The following OPA3 variants were observed in gnomAD, a reference collection of about 807,000 sequenced individuals.
OPA3 encodes the protein optic atrophy 3 protein.
A neutral mutation model predicts 4.0 loss-of-function variants in OPA3; 6 were observed. The observed-to-expected ratio is 1.51, with a 90% CI of 0.83 to 2.99. OPA3 has a LOEUF of 2.99. Among genes scored for constraint, OPA3 ranks in the 30% most tolerant of loss-of-function variants. The pLI, the probability that OPA3 is intolerant of heterozygous loss-of-function variation, is 0.00. For synonymous variants in OPA3, 105 were observed against 117.1 expected, an observed-to-expected ratio of 0.90 and a Z score of 0.67; for missense variants, 235 against 256.2, an observed-to-expected ratio of 0.92 and a Z score of 0.56.
intron 1 of OPA3, among the ~76,000 whole-genome samples, chr19:45,574,756 C>G (rs868131306): frequency 1.5e-4 from 23 of 152,252 alleles, no homozygotes; most frequent in African/African-American, 5.3e-4. Context: ...CTGCTTTGAC[C>G]AATAGTGTGG....
At chr19:45,556,639 A>G (rs1457119252) in intron 1 of OPA3, among the ~76,000 whole-genome samples, 6 of 152,248 alleles carry the variant, frequency 3.9e-5, no homozygotes, top group African/African-American at 1.4e-4. Context: ...ACGACAGGAG[A>G]CAGCCACTGA....
Position 45,553,998 on chromosome 19 carries a change from C to A in OPA3, c.143-87G>T, listed in dbSNP as rs562767155. 5.2e-5 allele frequency: 58 copies of A among 1,110,942 alleles called. No homozygotes were observed. In the African/African-American group the frequency reaches 8.5e-4, roughly 16 times the overall value. The allele number at this position is 1,110,942 out of a possible 1,614,324, so 68.8% of individuals were successfully genotyped here. On this transcript the variant is annotated intron_variant, in intron 1 of 1. Coordinates refer to ENST00000263275, the MANE Select transcript of OPA3 (RefSeq NM_025136.4). ...CACCCAGGGAATGCAGTCACCTAGC[C>A]TGGGTAACCCAGGGGTCTTTTAAAA...
chr19:45,559,964 T>TG (rs1199313387), intron 1 of OPA3, among the ~76,000 whole-genome samples: 1 of 152,090 alleles, frequency 6.6e-6, no homozygotes, highest in African/African-American at 2.4e-5. Context: ...TTATCAAAAC[T>TG]GGGGGTCAAA....
intron 1 of OPA3, among the ~76,000 whole-genome samples, chr19:45,583,003 T>C (rs1969878548): frequency 6.6e-6 from 1 of 152,202 alleles, no homozygotes; most frequent in African/African-American, 2.4e-5. Context: ...CAAGGATAGC[T>C]TGGAGGTTAG....
chr19:45,549,186 T>C lies in OPA3; in HGVS notation c.*4328A>G. The C allele has an allele frequency of 1.0e-6, 1 of 985,310 alleles. No homozygotes were observed. Among genetic ancestry groups the C allele is most frequent in the South Asian group, 4.7e-5 (1 of 21,284 alleles). 61.0% of individuals were successfully genotyped at this position (985,310 alleles called of 1,614,324 possible). On this transcript the variant is annotated 3_prime_UTR_variant, in exon 2 of 2. Coordinates refer to ENST00000263275, the MANE Select transcript of OPA3 (RefSeq NM_025136.4). Reference sequence around the variant, plus strand: ...ATTTACAAATTTATTCTAACCCCTCTCCCCAAATTACAAGGTACACAGAAT... The same window carrying C: ...ATTTACAAATTTATTCTAACCCCTCCCCCCAAATTACAAGGTACACAGAAT...
rs1969340338 is a variant in OPA3, at chr19:45,552,049, C to CACGG, written c.*1461_*1464dup. On this transcript the variant is annotated 3_prime_UTR_variant, in exon 2 of 2. Coordinates refer to ENST00000263275, the MANE Select transcript of OPA3 (RefSeq NM_025136.4). ...CCCTAGTTAGGATCAAATTTCCCAC[C>CACGG]ACGGAAAGGGGGGTTGGAGGACATT... The CACGG allele has an allele frequency of 1.0e-6, 1 of 985,328 alleles. No individual in the cohort carries two copies. Among genetic ancestry groups the CACGG allele is most frequent in the Non-Finnish European group, 1.2e-6 (1 of 830,038 alleles). The allele number at this position is 985,328 out of a possible 1,614,324, so 61.0% of individuals were successfully genotyped here.
chr19:45,551,667 C>A lies in OPA3; in HGVS notation c.*1847G>T. 1 of 967,644 alleles carries A rather than the reference C, an allele frequency of 1.0e-6. No homozygotes were observed. Among genetic ancestry groups the A allele is most frequent in the Non-Finnish European group, 1.2e-6 (1 of 813,782 alleles). 59.9% of individuals were successfully genotyped at this position (967,644 alleles called of 1,614,324 possible). A position where few individuals can be genotyped will look rare whatever the true frequency, so the allele number is the denominator to read the frequency against. On this transcript the variant is annotated 3_prime_UTR_variant, in exon 2 of 2. Transcript: ENST00000263275. ...ATCAAGTTCACCACCCAATGGTGAT[C>A]TGTTATGGCAGTCCAAGGAAATTAA...
intron 1 of OPA3, among the ~76,000 whole-genome samples, chr19:45,559,958 C>CA (rs1028450061): frequency 6.6e-6 from 1 of 152,094 alleles, no homozygotes; most frequent in Non-Finnish European, 1.5e-5. Flanking sequence ...GTTTCCTTAT[C>CA]AAAACTGGGG....
At chr19:45,529,246 G>A (rs1429935191) in exon 2 of OPA3, 1 of 1,613,514 alleles carries the variant, frequency 6.2e-7, no homozygotes, top group African/African-American at 1.3e-5. Context: ...CGCCTCCCTG[G>A]CAACACGTCG....
At position 45,551,350 on chromosome 19, in the gene OPA3, C is replaced by G. The variant is rs1377409893; in HGVS notation, c.*2164G>C. The stretch of plus-strand genomic sequence containing the variant: ...CCAACAGACAAGTCCACATACTAAC[C>G]CCCAGGACCTGTGCTTATGACAGTT... On this transcript the variant is annotated 3_prime_UTR_variant, in exon 2 of 2. Coordinates refer to ENST00000263275, the MANE Select transcript of OPA3 (RefSeq NM_025136.4). 1 of 152,240 alleles carries G rather than the reference C, an allele frequency of 6.6e-6. No individual in the cohort carries two copies. Among genetic ancestry groups the G allele is most frequent in the Non-Finnish European group, 1.5e-5 (1 of 68,106 alleles). The allele number at this position is 152,240 out of a possible 1,614,324, so 9.4% of individuals were successfully genotyped here.
At chr19:45,542,516 A>G (rs1969196570), downstream of OPA3, among the ~76,000 whole-genome samples, 1 of 152,178 alleles carries the variant, frequency 6.6e-6, no homozygotes, top group Non-Finnish European at 1.5e-5. Flanking sequence ...TTGTAACACA[A>G]TGGTAAGTAC....
chr19:45,571,130 T>C (rs1450990986), intron 1 of OPA3, among the ~76,000 whole-genome samples: 1 of 151,988 alleles, frequency 6.6e-6, no homozygotes, highest in African/African-American at 2.4e-5. Flanking sequence ...TTTCATTTAT[T>C]TATTTATTTA....
intron 1 of OPA3, among the ~76,000 whole-genome samples, chr19:45,576,493 G>A (rs1288790877): frequency 2.0e-5 from 3 of 151,426 alleles, no homozygotes; most frequent in Non-Finnish European, 4.4e-5. Flanking sequence ...AGTTGAGATC[G>A]TGCCACTGCA....
At chr19:45,565,286 T>A (rs917600209) in intron 1 of OPA3, among the ~76,000 whole-genome samples, 25 of 151,632 alleles carry the variant, frequency 1.6e-4, no homozygotes, top group African/African-American at 6.1e-4. Context: ...TGCATTATCA[T>A]GCAATTTCTA....
rs566396414 is a variant in OPA3, at chr19:45,552,965, C to G, written c.*549G>C. 7.6e-5 allele frequency: 75 copies of G among 990,434 alleles called. No homozygotes were observed. The highest frequency in any genetic ancestry group is 8.8e-5 in the Non-Finnish European group (73 of 833,126). The allele number at this position is 990,434 out of a possible 1,614,324, so 61.4% of individuals were successfully genotyped here. On this transcript the variant is annotated 3_prime_UTR_variant, in exon 2 of 2. Coordinates refer to ENST00000263275, the MANE Select transcript of OPA3 (RefSeq NM_025136.4). ...TGCTAGGATTACAGGCGTGAGCCAC[C>G]GCTCCCAGCCGCACCGTTTTTTTCC...
chr19:45,549,316 G>C lies in OPA3; in HGVS notation c.*4198C>G. 1.0e-5 allele frequency: 10 copies of C among 985,278 alleles called. No individual in the cohort carries two copies. The highest frequency in any genetic ancestry group is 6.2e-5 in the Admixed American group (1 of 16,228). The allele number at this position is 985,278 out of a possible 1,614,324, so 61.0% of individuals were successfully genotyped here. ...CACTCTGGCCACCCCTGACGCCGCA[G>C]TGGGGGAAGTAGATGGCCCTGCTGC... On this transcript the variant is annotated 3_prime_UTR_variant, in exon 2 of 2. Transcript: ENST00000263275.
chr19:45,573,968 G>C (rs1211951463), intron 1 of OPA3, among the ~76,000 whole-genome samples: 1 of 151,414 alleles, frequency 6.6e-6, no homozygotes, highest in East Asian at 1.9e-4. Context: ...TTGGAGACCA[G>C]CCTGACCAAC....
chr19:45,547,405 A>C lies in OPA3; in HGVS notation c.*6109T>G, dbSNP rs1272635187. On this transcript the variant is annotated 3_prime_UTR_variant, in exon 2 of 2. Transcript: ENST00000263275. ...ACGAATGAGCGCCTGGGTTCCAATAAGTCTTTATTTACAAAGACAGGAAGC... is the reference window on the plus strand; with the variant it reads ...ACGAATGAGCGCCTGGGTTCCAATACGTCTTTATTTACAAAGACAGGAAGC... The C allele has an allele frequency of 6.6e-6, 1 of 152,042 alleles. No homozygotes were observed. Among genetic ancestry groups the C allele is most frequent in the Non-Finnish European group, 1.5e-5 (1 of 67,986 alleles). 9.4% of individuals were successfully genotyped at this position (152,042 alleles called of 1,614,324 possible).
chr19:45,529,161 C>G (rs1198531269), exon 2 of OPA3: 2 of 1,609,688 alleles, frequency 1.2e-6, no homozygotes, highest in Non-Finnish European at 8.5e-7. Context: ...CCAGGGCGAG[C>G]TGCGTCGACG....
Sources: allele counts gnomAD v4.1 joint callset (sites outside exome capture counted in the v4.1 genomes callset), GRCh38; gene constraint gnomAD v4.1.1; transcripts MANE v1.5; gene names NCBI Gene and HGNC (gene_info 2026-07-23, HGNC 2026-07-21).